Variants in SPMIP4 observed in about 807,000 individuals in gnomAD.
SPMIP4 encodes the protein sperm-associated microtubule inner protein 4.
chr7:25,150,567 G>C, the SPMIP4 span, among the ~76,000 whole-genome samples: 1 of 152,232 alleles, frequency 6.6e-6, no homozygotes, highest in African/African-American at 2.4e-5. Flanking sequence ...TGGATGCCAA[G>C]AGATAATATA....
At chr7:25,163,836 C>T in the SPMIP4 span, among the ~76,000 whole-genome samples, 499 of 152,264 alleles carry the variant, frequency 3.3e-3, 3 homozygotes, top group African/African-American at 0.012. The surrounding 1 kb of genome is among the most constrained non-coding windows in gnomAD (Gnocchi z 4.4). Flanking sequence ...CCCTTCTCAC[C>T]GTGCCTCTGC....
the SPMIP4 span, chr7:25,142,708 T>C: frequency 6.2e-7 from 1 of 1,613,110 alleles, no homozygotes; most frequent in Non-Finnish European, 8.5e-7. Context: ...GTTGGCTTCT[T>C]TGGCAGAGCA....
chr7:25,135,105 G>T, the SPMIP4 span: 1 of 359,730 alleles, frequency 2.8e-6, no homozygotes, highest in Non-Finnish European at 3.9e-6. Flanking sequence ...CTACCTCTTG[G>T]CACATTAAAT....
the SPMIP4 span, among the ~76,000 whole-genome samples, chr7:25,154,540 G>A: frequency 6.6e-6 from 1 of 152,164 alleles, no homozygotes; most frequent in Non-Finnish European, 1.5e-5. Context: ...AAGAAGGACT[G>A]AACAAACTAC....
the SPMIP4 span, among the ~76,000 whole-genome samples, chr7:25,175,651 A>C: frequency 6.6e-6 from 1 of 152,152 alleles, no homozygotes; most frequent in African/African-American, 2.4e-5. Flanking sequence ...CTGAGTGCAA[A>C]CGTATGCTAG....
chr7:25,173,088 ATAGG>A, the SPMIP4 span, among the ~76,000 whole-genome samples: 6 of 151,634 alleles, frequency 4.0e-5, 1 homozygote, highest in Admixed American at 3.9e-4. The surrounding 1 kb of genome is among the most constrained non-coding windows in gnomAD (Gnocchi z 4.4). Context: ...AGAAGGGGAG[ATAGG>A]TAGGTAGATA....
At chr7:25,168,119 T>G in the SPMIP4 span, among the ~76,000 whole-genome samples, 1 of 152,252 alleles carries the variant, frequency 6.6e-6, no homozygotes, top group Non-Finnish European at 1.5e-5. Flanking sequence ...CAAAAACCAT[T>G]CATTTATTAT....
chr7:25,147,882 A>G, the SPMIP4 span, among the ~76,000 whole-genome samples: 2 of 152,230 alleles, frequency 1.3e-5, no homozygotes, highest in African/African-American at 2.4e-5. Context: ...CTGTGAGGAA[A>G]CTAGGTATTG....
At chr7:25,136,865 T>C in the SPMIP4 span, 771 of 1,452,932 alleles carry the variant, frequency 5.3e-4, 9 homozygotes, top group African/African-American at 9.9e-3. The surrounding 1 kb of genome is among the most constrained non-coding windows in gnomAD (Gnocchi z 5.7). Flanking sequence ...TCAAAAGTCA[T>C]ACCCATTTTC....
At chr7:25,178,778 C>T in the SPMIP4 span, among the ~76,000 whole-genome samples, 42 of 152,186 alleles carry the variant, frequency 2.8e-4, no homozygotes, top group South Asian at 7.3e-3. Flanking sequence ...AGTGGTCACG[C>T]CTGTAATCCC....
At chr7:25,140,467 A>G in the SPMIP4 span, among the ~76,000 whole-genome samples, 139 of 152,038 alleles carry the variant, frequency 9.1e-4, no homozygotes, top group African/African-American at 3.3e-3. Flanking sequence ...ATGCCCGGTT[A>G]ATTTTTGTAT....
At chr7:25,169,983 T>C in the SPMIP4 span, among the ~76,000 whole-genome samples, 1 of 152,214 alleles carries the variant, frequency 6.6e-6, no homozygotes. Flanking sequence ...ACCTTTTAAC[T>C]CTCGTGAATA....
chr7:25,149,169 A>G, the SPMIP4 span, among the ~76,000 whole-genome samples: 1 of 152,236 alleles, frequency 6.6e-6, no homozygotes, highest in Non-Finnish European at 1.5e-5. Context: ...ATGAGGAGGT[A>G]GCTGTAGGCT....
At chr7:25,137,836 A>C in the SPMIP4 span, among the ~76,000 whole-genome samples, 2 of 152,120 alleles carry the variant, frequency 1.3e-5, no homozygotes, top group Non-Finnish European at 2.9e-5. Context: ...TTATGCTACA[A>C]CTTCAACAAA....
chr7:25,149,308 G>A, the SPMIP4 span, among the ~76,000 whole-genome samples: 1 of 151,958 alleles, frequency 6.6e-6, no homozygotes, highest in Non-Finnish European at 1.5e-5. Flanking sequence ...CCAATTAAAT[G>A]ACAAAAGGCA....
At chr7:25,162,670 A>G in the SPMIP4 span, among the ~76,000 whole-genome samples, 1 of 152,240 alleles carries the variant, frequency 6.6e-6, no homozygotes, top group Non-Finnish European at 1.5e-5. Context: ...GAATACTTTT[A>G]GACACTACCA....
At chr7:25,179,367 G>C in the SPMIP4 span, 14 of 1,569,058 alleles carry the variant, frequency 8.9e-6, no homozygotes, top group South Asian at 4.6e-5. Context: ...TTGGCTTGTC[G>C]AGTCAAGGCA....
chr7:25,162,432 A>G, the SPMIP4 span, among the ~76,000 whole-genome samples: 6 of 152,302 alleles, frequency 3.9e-5, no homozygotes, highest in East Asian at 1.2e-3. Context: ...TTTCCAGAAC[A>G]TAAAGAACCA....
At chr7:25,164,621 A>T in the SPMIP4 span, among the ~76,000 whole-genome samples, 1 of 152,152 alleles carries the variant, frequency 6.6e-6, no homozygotes, top group Non-Finnish European at 1.5e-5. Flanking sequence ...GGAAATTATT[A>T]TTATTTATAA....
Sources: gnomAD v4.1 joint callset for allele counts (sites outside exome capture counted in the v4.1 genomes callset) on GRCh38, gnomAD v4.1.1 for gene constraint, Gnocchi (gnomAD v3.1) non-coding constraint, MANE v1.5 for transcripts, NCBI Gene and HGNC (gene_info 2026-07-23, HGNC 2026-07-21) for gene names.